The following ZNF91 variants were observed in gnomAD, a reference collection of about 807,000 sequenced individuals.
ZNF91 encodes the protein zinc finger protein 91.
Under a neutral mutation model 12.6 loss-of-function variants are expected in ZNF91, and 7 were observed. That is an observed-to-expected ratio of 0.55 (90% confidence interval 0.31 to 1.04). The LOEUF is 1.04. Ranked by LOEUF, ZNF91 falls within the 50% of genes least tolerant of loss-of-function variation. The pLI is 0.05. For synonymous variants in ZNF91, 453 were observed against 462.6 expected, an observed-to-expected ratio of 0.98 and a Z score of 0.27; for missense variants, 1,217 against 1,385.4, an observed-to-expected ratio of 0.88 and a Z score of 1.93.
At chr19:23,343,030 T>C (rs1968155329) in intron 3 of ZNF91, among the ~76,000 whole-genome samples, 2 of 152,336 alleles carry the variant, frequency 1.3e-5, no homozygotes, top group African/African-American at 4.8e-5. Context: ...GATTCTGTAA[T>C]ATATTTTTGC....
At chr19:23,328,608 T>A (rs919332532) in intron 1 of ZNF91, 1 of 152,210 alleles carries the variant, frequency 6.6e-6, no homozygotes, top group South Asian at 2.1e-4. Flanking sequence ...GAAATTTGCA[T>A]GCTAAGGACT....
chr19:23,346,949 C>T (rs192380779), intron 3 of ZNF91, among the ~76,000 whole-genome samples: 4 of 152,154 alleles, frequency 2.6e-5, no homozygotes, highest in South Asian at 2.1e-4. Context: ...AACTTGGCCA[C>T]GCCAAAGATC....
At chr19:23,387,135 C>CA (rs1436888462) in intron 1 of ZNF91, among the ~76,000 whole-genome samples, 2 of 151,852 alleles carry the variant, frequency 1.3e-5, no homozygotes, top group African/African-American at 2.4e-5. Context: ...ATTAAAATGT[C>CA]AAAAAATAGA....
intron 3 of ZNF91, among the ~76,000 whole-genome samples, chr19:23,368,857 TAA>T (rs1401598923): frequency 6.6e-6 from 1 of 151,672 alleles, no homozygotes; most frequent in South Asian, 2.1e-4. Context: ...TAAATTTTCA[TAA>T]AAAAACACAA....
intron 3 of ZNF91, among the ~76,000 whole-genome samples, chr19:23,373,330 T>C (rs1969356135): frequency 7.0e-6 from 1 of 142,186 alleles, no homozygotes; most frequent in African/African-American, 2.6e-5. Flanking sequence ...TGTTGCTTTT[T>C]GTAGATCATG....
At position 23,348,188 on chromosome 19, in the gene ZNF91, A is replaced by C. The variant is rs200143473; in HGVS notation, c.254-9134T>G. Among the ~76,000 whole-genome samples the C allele has an allele frequency of 0.011, 1,660 of 152,200 alleles. 139 individuals carry two copies. The East Asian group carries it at 0.23, about 21-fold the overall frequency. ...CTCTAGTAACCCTCCAGTGGTGGAC[A>C]AAAAAATCTCCCTTTTTCCCTCATG... On this transcript the variant is annotated intron_variant, in intron 3 of 3. Transcript: ENST00000599743.
intron 1 of ZNF91, among the ~76,000 whole-genome samples, chr19:23,382,163 A>C (rs1969741332): frequency 6.6e-6 from 1 of 152,102 alleles, no homozygotes. Context: ...ATAAGAAAAG[A>C]GATTTTAGTA....
intron 3 of ZNF91, among the ~76,000 whole-genome samples, chr19:23,371,108 C>T (rs1041720353): frequency 1.3e-5 from 2 of 151,950 alleles, no homozygotes; most frequent in Non-Finnish European, 2.9e-5. Flanking sequence ...TGGGAGGCCA[C>T]GGCAGGCAGA....
intron 3 of ZNF91, among the ~76,000 whole-genome samples, chr19:23,342,858 G>C (rs1968152714): frequency 6.6e-6 from 1 of 151,804 alleles, no homozygotes. Flanking sequence ...CCTCTTGAGA[G>C]AATTCTATGG....
At chr19:23,369,073 AG>A (rs1969145977) in intron 3 of ZNF91, among the ~76,000 whole-genome samples, 1 of 152,004 alleles carries the variant, frequency 6.6e-6, no homozygotes, top group South Asian at 2.1e-4. Flanking sequence ...GCACTTTGGG[AG>A]GCCGTGGCAG....
At chr19:23,367,275 G>A (rs1367085384) in intron 3 of ZNF91, among the ~76,000 whole-genome samples, 1 of 152,188 alleles carries the variant, frequency 6.6e-6, no homozygotes, top group East Asian at 1.9e-4. Flanking sequence ...CTGGGTGACA[G>A]AGTAAGATCC....
chr19:23,342,258 A>G (rs1968140507), intron 3 of ZNF91: 3 of 474,090 alleles, frequency 6.3e-6, no homozygotes, highest in Admixed American at 6.2e-5. Context: ...AGTTAGAGAC[A>G]GCAAGGCCTG....
chr19:23,351,361 A>G (rs890091438), intron 3 of ZNF91, among the ~76,000 whole-genome samples: 3 of 151,984 alleles, frequency 2.0e-5, no homozygotes, highest in African/African-American at 7.2e-5. Flanking sequence ...AAAAGAAAAG[A>G]AAAATGCTTT....
chr19:23,378,456 AAAAC>A, intron 1 of ZNF91, among the ~76,000 whole-genome samples: 1 of 152,342 alleles, frequency 6.6e-6, no homozygotes, highest in Non-Finnish European at 1.5e-5. Context: ...ACTTAGCTAA[AAAAC>A]AAAAACGAAA....
chr19:23,387,008 C>T (rs560589843), intron 1 of ZNF91, among the ~76,000 whole-genome samples: 7 of 152,074 alleles, frequency 4.6e-5, no homozygotes, highest in South Asian at 2.1e-4. Flanking sequence ...GAAAAAGATG[C>T]TTTTCGAAAG....
In ZNF91 at chr19:23,360,100, T is replaced by C. The variant is rs1445725940; in HGVS notation, c.2879A>G (p.His960Arg). The C allele has an allele frequency of 3.1e-6, 5 of 1,613,614 alleles. No individual in the cohort carries two copies. Among genetic ancestry groups the C allele is most frequent in the Non-Finnish European group, 4.2e-6 (5 of 1,180,006 alleles). The change falls in exon 4 of 4, where the codon CAT becomes CGT. Residue 960 changes from histidine to arginine, a missense_variant. Coordinates refer to ENST00000300619, the MANE Select transcript of ZNF91 (RefSeq NM_003430.4). ...ACATTTGTAGGGTTTCTCTCCAGTA[T>C]GAATTATCTTATGTGTAGTAAGGGT... ...SSTLTTHKII[H>R]TGEKPYKCEE...
At chr19:23,323,105 C>G (rs1477969122) in intron 1 of ZNF91, among the ~76,000 whole-genome samples, 1 of 142,440 alleles carries the variant, frequency 7.0e-6, no homozygotes, top group African/African-American at 2.6e-5. Flanking sequence ...CTCCCCTTGT[C>G]TCCTTTTCCT....
intron 3 of ZNF91, among the ~76,000 whole-genome samples, chr19:23,371,239 T>C (rs961972256): frequency 6.6e-6 from 1 of 151,960 alleles, no homozygotes; most frequent in East Asian, 1.9e-4. Flanking sequence ...CCAGGTACAT[T>C]AGAGGCTGAG....
chr19:23,370,221 T>TA (rs749519366), intron 3 of ZNF91, among the ~76,000 whole-genome samples: 189 of 150,304 alleles, frequency 1.3e-3, no homozygotes, highest in South Asian at 0.012. Context: ...TATTCAACCT[T>TA]AAAAAAAAAC....
Sources: allele counts gnomAD v4.1 joint callset (sites outside exome capture counted in the v4.1 genomes callset), GRCh38; gene constraint gnomAD v4.1.1; transcripts MANE v1.5; gene names NCBI Gene and HGNC (gene_info 2026-07-23, HGNC 2026-07-21).